MBNL1: variants seen among roughly 807,000 people sequenced by gnomAD.
The protein encoded by MBNL1 is muscleblind like splicing regulator 1, also known as muscleblind-like protein 1.
MBNL1 carries 8 observed loss-of-function variants against 42.2 expected under a neutral mutation model. The observed-to-expected ratio is 0.19, with a 90% confidence interval of 0.11 to 0.34. The LOEUF (loss-of-function observed/expected upper bound fraction) is 0.34. Ranked by LOEUF, MBNL1 falls within the 10% of genes least tolerant of loss-of-function variation. The pLI, the probability that MBNL1 is intolerant of heterozygous loss-of-function variation, is 1.00. For missense variants in MBNL1, 309 were observed against 495.3 expected, an observed-to-expected ratio of 0.62 and a Z score of 3.57; for synonymous variants, 169 against 173.9, an observed-to-expected ratio of 0.97 and a Z score of 0.22.
chr3:152,251,260 T>C (rs1445109323), intron 2 of MBNL1, among the ~76,000 whole-genome samples: 3 of 152,128 alleles, frequency 2.0e-5, no homozygotes, highest in African/African-American at 7.2e-5. Context: ...GTCTTGTCTT[T>C]TTAAAATGTA....
At chr3:152,266,850 C>G (rs76601968), upstream of MBNL1, 5,018 of 152,456 alleles carry the variant, frequency 0.033, 248 homozygotes, top group African/African-American at 0.11. Context: ...CCCACACTCT[C>G]ATTCACCCTC....
intron 3 of MBNL1, among the ~76,000 whole-genome samples, chr3:152,425,307 C>T (rs1445487609): frequency 6.6e-6 from 1 of 151,804 alleles, no homozygotes; most frequent in Non-Finnish European, 1.5e-5. Context: ...AAAAAAAGCT[C>T]ATCATCGGTG....
At chr3:152,341,001 C>T (rs2093052810) in intron 2 of MBNL1, 3 of 1,354,856 alleles carry the variant, frequency 2.2e-6, no homozygotes, top group East Asian at 4.9e-5. Context: ...GGGACACAAA[C>T]TGTACGATGC....
At chr3:152,456,490 C>A in intron 8 of MBNL1, 129 bp downstream of exon 8, 1 of 718,622 alleles carries the variant, frequency 1.4e-6, no homozygotes, top group Non-Finnish European at 2.5e-6. Flanking sequence ...GTAGAGGGTG[C>A]TTTAATAAGC....
At chr3:152,292,809 C>A (rs2056711820) in intron 1 of MBNL1, among the ~76,000 whole-genome samples, 1 of 150,892 alleles carries the variant, frequency 6.6e-6, no homozygotes, top group South Asian at 2.1e-4. Context: ...TACTCTGTTG[C>A]CCAGGTTGGA....
intron 2 of MBNL1, among the ~76,000 whole-genome samples, chr3:152,307,486 T>A (rs1425272956): frequency 6.6e-6 from 1 of 152,266 alleles, no homozygotes; most frequent in African/African-American, 2.4e-5. Flanking sequence ...TAATATTTAT[T>A]GAAACTTAAT....
intron 4 of MBNL1, 42 bp downstream of exon 4, chr3:152,432,962 T>C: frequency 6.5e-7 from 1 of 1,536,282 alleles, no homozygotes; most frequent in Non-Finnish European, 8.9e-7. Flanking sequence ...TACATTCTAA[T>C]TCTCAAAGTG....
At chr3:152,287,448 A>G (rs913537542) in intron 1 of MBNL1, among the ~76,000 whole-genome samples, 1 of 152,220 alleles carries the variant, frequency 6.6e-6, no homozygotes, top group Non-Finnish European at 1.5e-5. Flanking sequence ...GTTATAGGGT[A>G]GAAACACAGT....
At chr3:152,269,732 T>C (rs571955431) in intron 1 of MBNL1, 2 of 243,930 alleles carry the variant, frequency 8.2e-6, no homozygotes, top group Admixed American at 5.8e-5. Flanking sequence ...TCTTCTTCTT[T>C]TTTTTTTCAT....
chr3:152,323,606 C>T (rs181162172), intron 2 of MBNL1, among the ~76,000 whole-genome samples: 9 of 152,178 alleles, frequency 5.9e-5, no homozygotes, highest in South Asian at 2.1e-4. Context: ...CTGTATAGTA[C>T]GGCCTATTGC....
intron 2 of MBNL1, among the ~76,000 whole-genome samples, chr3:152,320,824 T>C (rs997515232): frequency 1.3e-5 from 2 of 152,094 alleles, no homozygotes; most frequent in Middle Eastern, 3.4e-3. Context: ...ATCAAACTAA[T>C]AGCACTAACA....
At chr3:152,320,889 T>A (rs2076099641) in intron 2 of MBNL1, among the ~76,000 whole-genome samples, 1 of 151,998 alleles carries the variant, frequency 6.6e-6, no homozygotes, top group African/African-American at 2.4e-5. Context: ...CCTAAATTTC[T>A]CTATACTCTA....
At chr3:152,377,750 C>G (rs879434428) in intron 2 of MBNL1, among the ~76,000 whole-genome samples, 1 of 152,114 alleles carries the variant, frequency 6.6e-6, no homozygotes, top group Non-Finnish European at 1.5e-5. Flanking sequence ...TAAATTTGAT[C>G]TATGATCAGA....
intron 5 of MBNL1, among the ~76,000 whole-genome samples, chr3:152,445,900 G>A (rs951724407): frequency 2.0e-5 from 3 of 152,128 alleles, no homozygotes; most frequent in Admixed American, 6.6e-5. Context: ...TTCCTTTGGT[G>A]TGTTCTTTTG....
In MBNL1 at chr3:152,320,908, A is replaced by G. The variant is rs761035399; in HGVS notation, c.174+20541A>G. 2.6e-5 allele frequency among the ~76,000 whole-genome samples: 4 copies of G among 152,010 alleles called. No homozygotes were observed. In the South Asian group the frequency reaches 8.3e-4, roughly 31 times the overall value. On this transcript the variant is annotated intron_variant, in intron 2 of 9. Transcript: ENST00000324210. ...AATTTCTCTATACTCTAATTTTAGAAAAAAAGTTTTGTCTTCCAACTGTGA... is the reference window on the plus strand; with the variant it reads ...AATTTCTCTATACTCTAATTTTAGAGAAAAAGTTTTGTCTTCCAACTGTGA...
chr3:152,357,101 AC>A (rs1178983314), intron 2 of MBNL1, among the ~76,000 whole-genome samples: 10 of 152,136 alleles, frequency 6.6e-5, no homozygotes, highest in African/African-American at 1.9e-4. Context: ...GAATTATAAA[AC>A]ATGCCTGGCC....
rs555672040 is a variant in MBNL1 at position 152,451,005 on chromosome 3, G to C, written c.961+3232G>C. On this transcript the variant is annotated intron_variant, in intron 6 of 9. Coordinates refer to ENST00000324210, the MANE Select transcript of MBNL1 (RefSeq NM_021038.5). ...TGTTCTGCAGACAAATAATACAGAA[G>C]AATTAGATGATCAAGGAATCCGATC... is the stretch of plus-strand genomic sequence containing the variant. Among the ~76,000 whole-genome samples the C allele has an allele frequency of 3.1e-4, 47 of 152,224 alleles. No individual in the cohort carries two copies. The South Asian group carries it at 9.7e-3, about 32-fold the overall frequency.
At chr3:152,452,228 T>TTA (rs1340387688) in intron 6 of MBNL1, among the ~76,000 whole-genome samples, 1 of 151,566 alleles carries the variant, frequency 6.6e-6, no homozygotes, top group East Asian at 1.9e-4. Flanking sequence ...TCTATTTATG[T>TTA]TATATATATG....
chr3:152,369,678 C>A (rs1265695887), intron 2 of MBNL1, among the ~76,000 whole-genome samples: 2 of 152,134 alleles, frequency 1.3e-5, no homozygotes, highest in African/African-American at 4.8e-5. Flanking sequence ...ATTACTGCTT[C>A]AATTTCAGAA....
Sources: gnomAD v4.1 joint callset for allele counts (sites outside exome capture counted in the v4.1 genomes callset) on GRCh38, gnomAD v4.1.1 for gene constraint, MANE v1.5 for transcripts, NCBI Gene and HGNC (gene_info 2026-07-23, HGNC 2026-07-21) for gene names.